AASS: variants seen among roughly 807,000 people sequenced by gnomAD.
AASS encodes aminoadipate-semialdehyde synthase, also known as alpha-aminoadipic semialdehyde synthase, mitochondrial.
A neutral mutation model predicts 105.4 loss-of-function variants in AASS; 86 were observed. That is an observed-to-expected ratio of 0.82 (90% CI 0.69 to 0.98). The LOEUF is 0.98. Among genes scored for constraint, AASS ranks in the 50% least tolerant of loss-of-function variants. The pLI is 0.00. For missense variants in AASS, 1,048 were observed against 1,143.2 expected, an observed-to-expected ratio of 0.92 and a Z score of 1.20; for synonymous variants, 381 against 394.8, an observed-to-expected ratio of 0.96 and a Z score of 0.41.
intron 10 of AASS, 31 bp from the exon 11 acceptor site, chr7:122,113,260 CACAA>C: frequency 6.3e-7 from 1 of 1,574,946 alleles, no homozygotes; most frequent in Non-Finnish European, 8.7e-7. Context: ...TATTCAGAAG[CACAA>C]AACATTATTT....
At chr7:122,117,526 T>TC (rs1795238781) in intron 6 of AASS, among the ~76,000 whole-genome samples, 1 of 152,152 alleles carries the variant, frequency 6.6e-6, no homozygotes, top group South Asian at 2.1e-4. Flanking sequence ...AAAATGGTTA[T>TC]CGTGAGGTCA....
At chr7:122,131,568 T>G (rs1014266675) in intron 2 of AASS, among the ~76,000 whole-genome samples, 6 of 151,914 alleles carry the variant, frequency 3.9e-5, no homozygotes, top group African/African-American at 1.4e-4. Flanking sequence ...GGACATTAAT[T>G]TTTCCTCTGG....
intron 20 of AASS, among the ~76,000 whole-genome samples, chr7:122,080,941 G>C (rs1485445333): frequency 6.6e-6 from 1 of 152,186 alleles, no homozygotes; most frequent in African/African-American, 2.4e-5. Context: ...ATTCTGAGCA[G>C]TCAGTAGAAG....
chr7:122,118,472 A>C lies in AASS; in HGVS notation c.541-19T>G, dbSNP rs1795292094. The C allele has an allele frequency of 6.2e-7, 1 of 1,614,052 alleles. No homozygotes were observed. The highest frequency in any genetic ancestry group is 1.3e-5 in the African/African-American group (1 of 74,930). On this transcript the variant is annotated intron_variant, in intron 5 of 23. Transcript: ENST00000417368. ...CAATGTGCTGAAAACAAACATACAC[A>C]ACTCAAGTTAGTCCACCAGCTCAGC...
intron 1 of AASS, among the ~76,000 whole-genome samples, chr7:122,141,716 A>G (rs1796410334): frequency 6.6e-6 from 1 of 151,480 alleles, no homozygotes; most frequent in African/African-American, 2.4e-5. Context: ...TCATAGATCA[A>G]CAAATGTCGT....
chr7:122,108,329 C>T (rs1430160407), intron 11 of AASS, among the ~76,000 whole-genome samples: 2 of 151,882 alleles, frequency 1.3e-5, no homozygotes, highest in African/African-American at 4.8e-5. Flanking sequence ...TCTATAAGGC[C>T]AGTGTTATTG....
chr7:122,123,830 C>G (rs943833456), intron 4 of AASS, among the ~76,000 whole-genome samples: 1 of 152,192 alleles, frequency 6.6e-6, no homozygotes, highest in Non-Finnish European at 1.5e-5. Flanking sequence ...TCCATTATAG[C>G]AACTTAGTAT....
chr7:122,079,224 T>A lies in AASS; in HGVS notation c.2397-274A>T, dbSNP rs1584804320. The A allele has an allele frequency of 2.9e-6, 4 of 1,376,436 alleles. No individual in the cohort carries two copies. The East Asian group carries it at 1.2e-4, about 41-fold the overall frequency. 85.3% of individuals were successfully genotyped at this position (1,376,436 alleles called of 1,614,324 possible). On this transcript the variant is annotated intron_variant, in intron 21 of 23. Transcript: ENST00000417368. ...GTTCTTACAAAGATCTTTATGAGAT[T>A]AATTTATAGGTTAGTTCTCCAACAT...
intron 11 of AASS, among the ~76,000 whole-genome samples, chr7:122,105,034 T>G (rs1210752232): frequency 4.6e-5 from 7 of 151,956 alleles, no homozygotes; most frequent in Non-Finnish European, 2.9e-5. Flanking sequence ...TCAAAGGGGA[T>G]GAAAGAAGAT....
chr7:122,116,515 A>G, intron 8 of AASS, 118 bp downstream of exon 8: 3 of 1,300,954 alleles, frequency 2.3e-6, no homozygotes, highest in Non-Finnish European at 3.3e-6. Context: ...ATGATACCCA[A>G]AGGACTCACA....
chr7:122,079,784 C>T, intron 20 of AASS, 72 bp from the exon 21 acceptor site: 1 of 964,932 alleles, frequency 1.0e-6, no homozygotes, highest in Non-Finnish European at 1.6e-6. Flanking sequence ...AAAAATTATC[C>T]TACTAAAACA....
intron 2 of AASS, among the ~76,000 whole-genome samples, chr7:122,130,992 G>A (rs1055938312): frequency 3.3e-5 from 5 of 150,026 alleles, no homozygotes; most frequent in Non-Finnish European, 7.4e-5. Flanking sequence ...AGAACAAAAG[G>A]GAAATAAATA....
At chr7:122,134,704 G>T (rs1437788761) in intron 1 of AASS, among the ~76,000 whole-genome samples, 1 of 152,124 alleles carries the variant, frequency 6.6e-6, no homozygotes, top group Admixed American at 6.5e-5. Context: ...AACCATTGTG[G>T]AAGACAATGT....
At chr7:122,116,815 G>C in intron 7 of AASS, 55 bp from the exon 8 acceptor site, 2 of 1,611,292 alleles carry the variant, frequency 1.2e-6, no homozygotes, top group Non-Finnish European at 1.7e-6. Context: ...AAAATTTATG[G>C]TGATAAAATA....
chr7:122,109,848 C>T (rs1479142069), intron 11 of AASS, among the ~76,000 whole-genome samples: 9 of 151,822 alleles, frequency 5.9e-5, no homozygotes, highest in Admixed American at 5.9e-4. Context: ...GCAAAACAAA[C>T]AAACAAAAGA....
At chr7:122,105,154 T>C (rs1794607764) in intron 11 of AASS, among the ~76,000 whole-genome samples, 1 of 151,936 alleles carries the variant, frequency 6.6e-6, no homozygotes, top group Admixed American at 6.6e-5. Flanking sequence ...ATTAAAGAGC[T>C]CAAGTCATTA....
intron 1 of AASS, among the ~76,000 whole-genome samples, chr7:122,135,626 T>A (rs1340848776): frequency 6.6e-6 from 1 of 152,178 alleles, no homozygotes; most frequent in African/African-American, 2.4e-5. Context: ...TTCTCATGAA[T>A]AAACTCTACT....
At chr7:122,085,623 C>T (rs886480593) in intron 19 of AASS, among the ~76,000 whole-genome samples, 6 of 151,998 alleles carry the variant, frequency 3.9e-5, no homozygotes, top group African/African-American at 4.8e-5. Flanking sequence ...GCTATTAGAA[C>T]GGTATCATTT....
intron 23 of AASS, 45 bp downstream of exon 23, chr7:122,077,793 G>T (rs1331869951): frequency 6.2e-7 from 1 of 1,611,430 alleles, no homozygotes; most frequent in African/African-American, 1.3e-5. Flanking sequence ...AAATGGCTTG[G>T]AGGTGAAACA....
Sources: allele counts gnomAD v4.1 joint callset (sites outside exome capture counted in the v4.1 genomes callset), GRCh38; gene constraint gnomAD v4.1.1; transcripts MANE v1.5; gene names NCBI Gene and HGNC (gene_info 2026-07-23, HGNC 2026-07-21).